Variants in FOXP1 observed in about 807,000 individuals in gnomAD.
FOXP1 encodes forkhead box protein P1.
A neutral mutation model predicts 98.2 loss-of-function variants in FOXP1; 15 were observed. That is an observed-to-expected ratio of 0.15 (90% CI 0.10 to 0.24). The LOEUF is 0.24. Among genes scored for constraint, FOXP1 ranks in the 10% least tolerant of loss-of-function variants. The pLI, the probability that FOXP1 is intolerant of heterozygous loss-of-function variation, is 1.00. For synonymous variants in FOXP1, 371 were observed against 314.5 expected (o/e 1.18, Z -1.90); for missense variants, 633 against 848.5 (o/e 0.75, Z 3.15).
chr3:71,561,597 A>C (rs1403592981), intron 2 of FOXP1, among the ~76,000 whole-genome samples: 1 of 152,130 alleles, frequency 6.6e-6, no homozygotes, highest in African/African-American at 2.4e-5. Context: ...CTTCCCTGTA[A>C]GGTTGCTGTC....
chr3:71,565,104 A>G (rs561455250), intron 2 of FOXP1, among the ~76,000 whole-genome samples: 24 of 152,336 alleles, frequency 1.6e-4, no homozygotes, highest in Admixed American at 1.4e-3. Context: ...GTCTCAAAGA[A>G]AAAAGAAAAA....
chr3:71,252,714 T>A lies in FOXP1; in HGVS notation c.-12+47106A>T, dbSNP rs144392381. ...TTTGAGATAAAGAAACAGAAGTGGA[T>A]GGAAGTGAAACAAAATGTCCTAGGC... On this transcript the variant is annotated intron_variant, in intron 5 of 20. Coordinates refer to ENST00000649528, the MANE Select transcript of FOXP1 (RefSeq NM_001349338.3). Among the ~76,000 whole-genome samples the A allele has an allele frequency of 1.4e-4, 22 of 152,268 alleles. No individual in the cohort carries two copies. The East Asian group carries it at 3.7e-3, about 25-fold the overall frequency.
intron 7 of FOXP1, among the ~76,000 whole-genome samples, chr3:71,112,126 G>A (rs1559952574): frequency 5.3e-5 from 6 of 113,906 alleles, no homozygotes; most frequent in Non-Finnish European, 1.0e-4. Context: ...GTGGGGGGGT[G>A]GGGGGGTCGC....
At chr3:71,329,079 G>A (rs1252061986) in intron 4 of FOXP1, among the ~76,000 whole-genome samples, 4 of 150,338 alleles carry the variant, frequency 2.7e-5, no homozygotes, top group African/African-American at 9.8e-5. Flanking sequence ...TGGTTGCCCA[G>A]CCCTGAGCTC....
Position 70,977,524 on chromosome 3 carries a change from T to C in FOXP1, c.1428+119A>G, listed in dbSNP as rs2037817219. 10 of 818,264 alleles carry C rather than the reference T, an allele frequency of 1.2e-5. No individual in the cohort carries two copies. In the Admixed American group the frequency reaches 1.7e-4, roughly 14 times the overall value. 50.7% of individuals were successfully genotyped at this position (818,264 alleles called of 1,614,324 possible). On this transcript the variant is annotated intron_variant, in intron 16 of 20. Transcript: ENST00000649528. ...TATATATTGCAGTTTTAAAAAACCT[T>C]ATAGAAAAGGTTTCAGCATGCTTGC...
chr3:71,336,128 G>A (rs2076661806), intron 4 of FOXP1, among the ~76,000 whole-genome samples: 1 of 150,966 alleles, frequency 6.6e-6, no homozygotes, highest in African/African-American at 2.4e-5. Context: ...GAAGGACAGA[G>A]GAGCGAATGC....
At chr3:71,222,999 CTTTCT>C (rs1459300206) in intron 5 of FOXP1, among the ~76,000 whole-genome samples, 1 of 152,144 alleles carries the variant, frequency 6.6e-6, no homozygotes, top group Non-Finnish European at 1.5e-5. Context: ...AATTTTTCCC[CTTTCT>C]TTTCATCACC....
chr3:71,346,214 C>T (rs1439468264), intron 4 of FOXP1, among the ~76,000 whole-genome samples: 1 of 152,222 alleles, frequency 6.6e-6, no homozygotes, highest in Non-Finnish European at 1.5e-5. Context: ...GAATTAAGCA[C>T]TCACATAATA....
chr3:71,111,750 G>T lies in FOXP1; in HGVS notation c.282+786C>A, dbSNP rs2057947095. Among the ~76,000 whole-genome samples the T allele has an allele frequency of 1.3e-5, 2 of 152,108 alleles. 1 individual carries two copies. Among genetic ancestry groups the T allele is most frequent in the South Asian group, 4.1e-4 (2 of 4,824 alleles). ...CATTCTTCTACTCCATTAAGCCCTT[G>T]CCTTCAATGTGCCTGAAATCAGAAG... On this transcript the variant is annotated intron_variant, in intron 7 of 20. Coordinates refer to ENST00000649528, the MANE Select transcript of FOXP1 (RefSeq NM_001349338.3).
chr3:71,263,741 T>TC (rs2069375023), intron 5 of FOXP1, among the ~76,000 whole-genome samples: 1 of 137,772 alleles, frequency 7.3e-6, no homozygotes, highest in African/African-American at 2.6e-5. Flanking sequence ...AAATCCATAT[T>TC]CCTTTTTTTT....
chr3:71,097,935 G>A (rs2056615441), intron 7 of FOXP1, among the ~76,000 whole-genome samples: 1 of 152,246 alleles, frequency 6.6e-6, no homozygotes, highest in South Asian at 2.1e-4. Flanking sequence ...ATATAAATTT[G>A]AAGCTATTTT....
At chr3:71,431,777 T>C (rs888149104) in intron 3 of FOXP1, among the ~76,000 whole-genome samples, 2 of 152,208 alleles carry the variant, frequency 1.3e-5, no homozygotes, top group Non-Finnish European at 2.9e-5. Context: ...CCGATGACCT[T>C]GGGTCAAATT....
At chr3:71,460,556 C>A (rs1434483341) in intron 3 of FOXP1, among the ~76,000 whole-genome samples, 1 of 152,104 alleles carries the variant, frequency 6.6e-6, no homozygotes, top group Non-Finnish European at 1.5e-5. Context: ...CTTGCCTCAG[C>A]CTCCCAAGTA....
intron 12 of FOXP1, among the ~76,000 whole-genome samples, chr3:71,008,095 T>C (rs1576099315): frequency 6.6e-6 from 1 of 152,134 alleles, no homozygotes. Context: ...GTTATACAAG[T>C]GGTCACTTAA....
At chr3:70,971,977 G>GAAAA in intron 18 of FOXP1, 1 of 1,171,330 alleles carries the variant, frequency 8.5e-7, no homozygotes, top group Non-Finnish European at 1.1e-6. Context: ...AGCAACAGCA[G>GAAAA]AAAAAAAAAA....
At chr3:71,247,444 A>G (rs2067839143) in intron 5 of FOXP1, among the ~76,000 whole-genome samples, 1 of 152,200 alleles carries the variant, frequency 6.6e-6, no homozygotes, top group South Asian at 2.1e-4. Context: ...ATTGTGGCTC[A>G]GAGAAGGCCA....
At chr3:70,983,159 T>C (rs899169475) in intron 14 of FOXP1, among the ~76,000 whole-genome samples, 1 of 150,306 alleles carries the variant, frequency 6.7e-6, no homozygotes, top group African/African-American at 2.5e-5. Context: ...TTCCTTTCCT[T>C]TACCATCTCA....
intron 6 of FOXP1, among the ~76,000 whole-genome samples, chr3:71,143,129 T>G (rs1302449704): frequency 6.6e-6 from 1 of 152,224 alleles, no homozygotes; most frequent in South Asian, 2.1e-4. Flanking sequence ...GGGAAAACAC[T>G]AAGTGAAAAC....
intron 3 of FOXP1, among the ~76,000 whole-genome samples, chr3:71,388,834 T>C (rs1350429009): frequency 6.6e-6 from 1 of 152,186 alleles, no homozygotes; most frequent in African/African-American, 2.4e-5. Flanking sequence ...ATTTTGTCCC[T>C]AGCTATTCAT....
Sources: allele counts gnomAD v4.1 joint callset (sites outside exome capture counted in the v4.1 genomes callset), GRCh38; gene constraint gnomAD v4.1.1; transcripts MANE v1.5; gene names NCBI Gene and HGNC (gene_info 2026-07-23, HGNC 2026-07-21).